CATSPERT: variants seen among roughly 807,000 people sequenced by gnomAD.
CATSPERT encodes the protein cation channel sperm-associated targeting subunit tau.
chr2:201,513,676 A>G, the CATSPERT span, among the ~76,000 whole-genome samples: 1 of 152,238 alleles, frequency 6.6e-6, no homozygotes, highest in Non-Finnish European at 1.5e-5. Context: ...CATGGAGTCA[A>G]CCTAGGTGCC....
chr2:201,549,087 T>G, the CATSPERT span, among the ~76,000 whole-genome samples: 2 of 152,140 alleles, frequency 1.3e-5, no homozygotes, highest in Non-Finnish European at 2.9e-5. Flanking sequence ...CCAATTCTCC[T>G]GCAAAAAATT....
chr2:201,576,682 T>C, the CATSPERT span, among the ~76,000 whole-genome samples: 1 of 152,026 alleles, frequency 6.6e-6, no homozygotes, highest in South Asian at 2.1e-4. Flanking sequence ...GCACGCGGAG[T>C]GAACGGGAGG....
At chr2:201,605,150 T>C in the CATSPERT span, among the ~76,000 whole-genome samples, 3 of 150,970 alleles carry the variant, frequency 2.0e-5, no homozygotes, top group South Asian at 4.2e-4. Context: ...ACACACACTA[T>C]AGGGACAGAA....
the CATSPERT span, among the ~76,000 whole-genome samples, chr2:201,531,611 C>A: frequency 6.6e-6 from 1 of 152,102 alleles, no homozygotes; most frequent in Admixed American, 6.5e-5. Flanking sequence ...CAAACCCAGC[C>A]TCCACTAAGG....
chr2:201,571,906 G>T, the CATSPERT span: 1 of 1,577,894 alleles, frequency 6.3e-7, no homozygotes, highest in Non-Finnish European at 8.7e-7. Flanking sequence ...AGTGCCACAT[G>T]ATCTGACCAT....
At chr2:201,597,483 C>T in the CATSPERT span, among the ~76,000 whole-genome samples, 9,216 of 152,232 alleles carry the variant, frequency 0.061, 349 homozygotes, top group Middle Eastern at 0.11. Context: ...AAATTGCCAT[C>T]TCTGCTTTCT....
the CATSPERT span, among the ~76,000 whole-genome samples, chr2:201,530,172 C>G: frequency 3.3e-5 from 5 of 152,240 alleles, no homozygotes; most frequent in South Asian, 8.3e-4. Flanking sequence ...ATTAGTACAG[C>G]CATTTTAGAA....
At chr2:201,579,731 C>T in the CATSPERT span, among the ~76,000 whole-genome samples, 1 of 151,830 alleles carries the variant, frequency 6.6e-6, no homozygotes, top group Non-Finnish European at 1.5e-5. Context: ...ACTGGTATGT[C>T]CCATTTCTGT....
chr2:201,505,967 T>G, the CATSPERT span, among the ~76,000 whole-genome samples: 1 of 152,084 alleles, frequency 6.6e-6, no homozygotes, highest in African/African-American at 2.4e-5. Flanking sequence ...CTAATCTACT[T>G]ATAAAAAAGC....
At chr2:201,571,588 G>A in the CATSPERT span, among the ~76,000 whole-genome samples, 1 of 152,158 alleles carries the variant, frequency 6.6e-6, no homozygotes, top group Non-Finnish European at 1.5e-5. Context: ...CTATCAGACA[G>A]TCTTATGTTA....
the CATSPERT span, among the ~76,000 whole-genome samples, chr2:201,532,913 A>T: frequency 0.068 from 10,411 of 152,206 alleles, 459 homozygotes; most frequent in Middle Eastern, 0.11. Flanking sequence ...TATGGCTGTA[A>T]GATCTGTTAA....
the CATSPERT span, among the ~76,000 whole-genome samples, chr2:201,612,899 T>C: frequency 6.6e-6 from 1 of 152,106 alleles, no homozygotes; most frequent in Admixed American, 6.5e-5. Context: ...CACCAGGACA[T>C]TATATCCCAT....
chr2:201,509,953 G>A, the CATSPERT span, among the ~76,000 whole-genome samples: 7 of 150,654 alleles, frequency 4.6e-5, 1 homozygote, highest in East Asian at 1.9e-4. Context: ...TAAAGATATC[G>A]CTGCATTTTA....
the CATSPERT span, among the ~76,000 whole-genome samples, chr2:201,525,272 T>C: frequency 6.6e-6 from 1 of 152,136 alleles, no homozygotes; most frequent in Non-Finnish European, 1.5e-5. Context: ...GGGACCATAG[T>C]ACAACAAAAA....
At chr2:201,563,814 A>G in the CATSPERT span, among the ~76,000 whole-genome samples, 1 of 152,200 alleles carries the variant, frequency 6.6e-6, no homozygotes, top group Non-Finnish European at 1.5e-5. Context: ...ACACTGTCTA[A>G]ATCGTGTTGG....
chr2:201,574,873 A>G, the CATSPERT span, among the ~76,000 whole-genome samples: 16 of 152,188 alleles, frequency 1.1e-4, no homozygotes, highest in Non-Finnish European at 1.5e-5. Flanking sequence ...AAGAAATTAA[A>G]TTAAGAACTG....
the CATSPERT span, among the ~76,000 whole-genome samples, chr2:201,612,211 T>A: frequency 2.0e-3 from 297 of 152,230 alleles, no homozygotes; most frequent in Non-Finnish European, 2.8e-3. Context: ...ACAAGTTAAA[T>A]AATTGCCCAA....
the CATSPERT span, among the ~76,000 whole-genome samples, chr2:201,592,868 CTCT>C: frequency 6.6e-6 from 1 of 151,814 alleles, no homozygotes; most frequent in African/African-American, 2.4e-5. Context: ...TGATTCTTCT[CTCT>C]TTTTTTCTTT....
At chr2:201,537,420 T>C in the CATSPERT span, 2 of 1,577,630 alleles carry the variant, frequency 1.3e-6, no homozygotes, top group Non-Finnish European at 1.7e-6. Flanking sequence ...AAAAGTTCTC[T>C]TCCAATTTCC....
Sources: allele counts gnomAD v4.1 joint callset (sites outside exome capture counted in the v4.1 genomes callset), GRCh38; gene constraint gnomAD v4.1.1; transcripts MANE v1.5; gene names NCBI Gene and HGNC (gene_info 2026-07-23, HGNC 2026-07-21).